The following PSMB2 variants were observed in gnomAD, a reference collection of about 807,000 sequenced individuals.
PSMB2 encodes proteasome subunit beta type-2.
Under a neutral mutation model 25.7 loss-of-function variants are expected in PSMB2, and 13 were observed. The observed-to-expected ratio is 0.51, with a 90% CI of 0.33 to 0.80. The LOEUF is 0.80. Among genes scored for constraint, PSMB2 ranks in the 30% least tolerant of loss-of-function variants. The pLI is 0.02. For synonymous variants in PSMB2, 87 were observed against 96.2 expected, an observed-to-expected ratio of 0.90 and a Z score of 0.56; for missense variants, 202 against 259.0, an observed-to-expected ratio of 0.78 and a Z score of 1.51.
rs142932096 is a variant in PSMB2, at chr1:35,641,364, G to A, written c.69C>T (p.Ser23=). The A allele has an allele frequency of 3.7e-6, 6 of 1,614,090 alleles. No homozygotes were observed. The highest frequency in any genetic ancestry group is 3.3e-5 in the South Asian group (3 of 91,078). ...VLVASDRVAA[S]NIVQMKDDHD... is the part of the protein sequence containing the mutation. ...CACCGTCCTTCATCTGGACAATATTGCTGGCGGCCACCCGGTCGGAGGCGA... is the reference window on the plus strand; with the variant it reads ...CACCGTCCTTCATCTGGACAATATTACTGGCGGCCACCCGGTCGGAGGCGA... Residue 23 remains serine, a synonymous_variant, in exon 1 of 6, where the codon AGC becomes AGT. Transcript: ENST00000373237.
chr1:35,608,795 A>G (rs1650246648), intron 4 of PSMB2, among the ~76,000 whole-genome samples: 1 of 152,224 alleles, frequency 6.6e-6, no homozygotes, highest in Non-Finnish European at 1.5e-5. Context: ...AGAAACCTTC[A>G]GTTGTCATGC....
At chr1:35,629,665 C>T (rs1651031414) in intron 3 of PSMB2, among the ~76,000 whole-genome samples, 1 of 151,834 alleles carries the variant, frequency 6.6e-6, no homozygotes, top group African/African-American at 2.4e-5. Context: ...AAAAAATTAG[C>T]CAGATGTGGT....
In PSMB2 at chr1:35,603,268, T is replaced by C. The variant is rs949703548; in HGVS notation, c.605A>G (p.Ter202=). ...GCAAGTGGGAGGGAGGACATGATGT[T>C]AGGAGCCCTGTTTGGGGAAGGAAAT... is the stretch of plus-strand genomic sequence containing the variant. ...DNISFPKQGS[*] Residue 202 remains the stop codon, a stop_retained_variant, in exon 6 of 6, where the codon TAA becomes TGA. Transcript: ENST00000373237. 1.2e-6 allele frequency: 2 copies of C among 1,614,090 alleles called. No individual in the cohort carries two copies. Among genetic ancestry groups the C allele is most frequent in the African/African-American group, 1.3e-5 (1 of 75,034 alleles).
At chr1:35,608,766 A>T (rs1650245956) in intron 4 of PSMB2, among the ~76,000 whole-genome samples, 1 of 152,194 alleles carries the variant, frequency 6.6e-6, no homozygotes, top group East Asian at 1.9e-4. Flanking sequence ...AGCCTTAGAA[A>T]GCTTTGATGT....
At chr1:35,606,190 G>A (rs1442847297) in intron 4 of PSMB2, among the ~76,000 whole-genome samples, 3 of 152,134 alleles carry the variant, frequency 2.0e-5, no homozygotes, top group African/African-American at 7.2e-5. Context: ...CTGTGTCTAG[G>A]AAGTCCTAAC....
chr1:35,635,828 C>CA (rs1163061850), intron 2 of PSMB2, among the ~76,000 whole-genome samples: 1,877 of 33,254 alleles, frequency 0.056, 80 homozygotes, highest in Non-Finnish European at 0.072. Flanking sequence ...GACTCCGTCT[C>CA]AAAAAAAAAA....
Position 35,641,352 on chromosome 1 carries a change from C to T in PSMB2, c.81G>A (p.Gln27=). The change falls in exon 1 of 6, where the codon CAG becomes CAA. Residue 27 remains glutamine (Q), a synonymous_variant. Coordinates refer to ENST00000373237, the MANE Select transcript of PSMB2 (RefSeq NM_002794.5). ...CCTGCTTCCTCTCACCGTCCTTCAT[C>T]TGGACAATATTGCTGGCGGCCACCC... The part of the protein sequence containing the change: ...SDRVAASNIV[Q]MKDDHDKMFK... 1 of 1,614,150 alleles carries T rather than the reference C, an allele frequency of 6.2e-7. No individual in the cohort carries two copies. The highest frequency in any genetic ancestry group is 8.5e-7 in the Non-Finnish European group (1 of 1,180,016).
intron 3 of PSMB2, among the ~76,000 whole-genome samples, chr1:35,628,792 A>G (rs1650996473): frequency 6.6e-6 from 1 of 151,202 alleles, no homozygotes; most frequent in South Asian, 2.1e-4. Flanking sequence ...GCTAGCACTG[A>G]GAGGTACTAT....
chr1:35,604,338 C>T (rs1650097487), intron 5 of PSMB2, among the ~76,000 whole-genome samples: 1 of 152,180 alleles, frequency 6.6e-6, no homozygotes, highest in Admixed American at 6.5e-5. Flanking sequence ...TCTACTCTCC[C>T]CTTCTGCCCA....
chr1:35,639,630 G>A (rs1651337649), intron 1 of PSMB2, among the ~76,000 whole-genome samples: 2 of 152,266 alleles, frequency 1.3e-5, no homozygotes, highest in East Asian at 3.9e-4. Flanking sequence ...GTGTACATAA[G>A]TAGGCTTAAA....
Position 35,624,496 on chromosome 1 carries a change from T to C in PSMB2, c.285+6778A>G, listed in dbSNP as rs181466311. ...GGCTGGGTGCAGTGGCTCATGCCTG[T>C]AATCCCAGTACTTTGGGAGGCTGAG... On this transcript the variant is annotated intron_variant, in intron 3 of 5. Coordinates refer to ENST00000373237, the MANE Select transcript of PSMB2 (RefSeq NM_002794.5). Among the ~76,000 whole-genome samples the C allele has an allele frequency of 6.9e-3, 1,053 of 152,220 alleles. 16 individuals carry two copies. The highest frequency in any genetic ancestry group is 0.021 in the African/African-American group (879 of 41,534).
intron 3 of PSMB2, among the ~76,000 whole-genome samples, chr1:35,610,830 A>C (rs1355580974): frequency 1.3e-5 from 2 of 152,240 alleles, no homozygotes; most frequent in African/African-American, 4.8e-5. Flanking sequence ...CACCAGACTT[A>C]ACTGAAAAGT....
chr1:35,637,408 T>C (rs932577739), intron 1 of PSMB2, among the ~76,000 whole-genome samples: 1 of 152,242 alleles, frequency 6.6e-6, no homozygotes, highest in East Asian at 1.9e-4. Context: ...TAATCTTATC[T>C]AGCTGAACCA....
chr1:35,622,085 T>C (rs1196199070), intron 3 of PSMB2, among the ~76,000 whole-genome samples: 4 of 151,980 alleles, frequency 2.6e-5, no homozygotes. Flanking sequence ...GGTCAAGAAA[T>C]AGAAAAATCC....
intron 3 of PSMB2, among the ~76,000 whole-genome samples, chr1:35,628,591 AAAAAAATATATATATATATATAT>A (rs1460136220): frequency 1.1e-3 from 24 of 22,124 alleles, no homozygotes; most frequent in Non-Finnish European, 1.2e-3. Flanking sequence ...AAAAAAAAAA[AAAAAAATATATATATATATATAT>A]ATATATATAT....
In PSMB2 at chr1:35,609,181, A is replaced by G. The variant is rs58478566; in HGVS notation, c.448+65T>C. The G allele has an allele frequency of 1.3e-3, 1,762 of 1,376,032 alleles. 19 individuals carry two copies. The African/African-American group carries it at 0.024, about 18-fold the overall frequency. The allele number at this position is 1,376,032 out of a possible 1,614,324, so 85.2% of individuals were successfully genotyped here. A position where few individuals can be genotyped will look rare whatever the true frequency, so the allele number is the denominator to read the frequency against. ...TGGCCACCCAACTCCAAGAGTGGAC[A>G]AACCTGGGAAGCAGCTGAGGGCAGG... On this transcript the variant is annotated intron_variant, in intron 4 of 5. Transcript: ENST00000373237.
intron 3 of PSMB2, among the ~76,000 whole-genome samples, chr1:35,621,692 T>A (rs1650688420): frequency 6.6e-6 from 1 of 152,202 alleles, no homozygotes. Flanking sequence ...TAGCTTTTTA[T>A]GAAATAACTC....
intron 5 of PSMB2, 46 bp from the exon 6 acceptor site, chr1:35,603,420 T>C: frequency 6.2e-7 from 1 of 1,604,452 alleles, no homozygotes; most frequent in Non-Finnish European, 8.5e-7. Context: ...GATTACTAAG[T>C]TCTATGTGCC....
At position 35,625,240 on chromosome 1, in the gene PSMB2, G is replaced by A. The variant is rs145686297; in HGVS notation, c.285+6034C>T. ...AAAAGATAAATTACCAAAGGCTCAT[G>A]AAACACTTCGGAAAAAGTTCTAATG... On this transcript the variant is annotated intron_variant, in intron 3 of 5. Transcript: ENST00000373237. Among the ~76,000 whole-genome samples, 31 of 152,278 alleles carry A rather than the reference G, an allele frequency of 2.0e-4. No homozygotes were observed. In the East Asian group the frequency reaches 5.2e-3, roughly 26 times the overall value.
Sources: allele counts gnomAD v4.1 joint callset (sites outside exome capture counted in the v4.1 genomes callset), GRCh38; gene constraint gnomAD v4.1.1; transcripts MANE v1.5; gene names NCBI Gene and HGNC (gene_info 2026-07-23, HGNC 2026-07-21).